The following COL6A2 variants were observed in gnomAD, a reference collection of about 807,000 sequenced individuals.
COL6A2 encodes collagen alpha-2(VI) chain.
COL6A2 carries 90 observed loss-of-function variants against 124.9 expected under a neutral mutation model. That is an observed-to-expected ratio of 0.72 (90% CI 0.61 to 0.86). The LOEUF (loss-of-function observed/expected upper bound fraction) is 0.86, where lower values mean the gene tolerates loss of function less well. Ranked by LOEUF, COL6A2 falls within the 40% of genes least tolerant of loss-of-function variation. COL6A2 has a pLI of 0.00. For missense variants in COL6A2, 1,607 were observed against 1,502.5 expected (o/e 1.07, Z -1.15); for synonymous variants, 793 against 618.2 (o/e 1.28, Z -4.19).
rs745599252 is a variant in COL6A2 at position 46,125,375 on chromosome 21, G to C, written c.1816+64G>C. On this transcript the variant is annotated intron_variant, in intron 24 of 27. Coordinates refer to ENST00000300527, the MANE Select transcript of COL6A2 (RefSeq NM_001849.4). ...CGGGTGGAGGGCGGGAGTGCAGCAG[G>C]GCTGGGTCATCGCTGGGTCCTGCAT... 3 of 1,605,594 alleles carry C rather than the reference G, an allele frequency of 1.9e-6. No homozygotes were observed. In the South Asian group the frequency reaches 3.3e-5, roughly 18 times the overall value.
intron 27 of COL6A2, among the ~76,000 whole-genome samples, chr21:46,127,381 GCACATT>G (rs1568942229): frequency 6.6e-6 from 1 of 152,128 alleles, no homozygotes; most frequent in Non-Finnish European, 1.5e-5. Context: ...GGGCCACTGA[GCACATT>G]CACAGGCCCT....
At position 46,128,950 on chromosome 21, in the gene COL6A2, G is replaced by A. The variant is rs142392099; in HGVS notation, c.2461+2409G>A. On this transcript the variant is annotated intron_variant, in intron 27 of 27. Coordinates refer to ENST00000300527, the MANE Select transcript of COL6A2 (RefSeq NM_001849.4). ...CTGAAAGGTTTTCTCGGGGTCCGTG[G>A]TGTCCCCCAAAGGTGCCACCGTGCG... 26 of 1,611,168 alleles carry A rather than the reference G, an allele frequency of 1.6e-5. No homozygotes were observed. The East Asian group carries it at 5.6e-4, about 35-fold the overall frequency.
chr21:46,124,846 C>T (rs1419170254), intron 22 of COL6A2, 39 bp from the exon 23 acceptor site: 3 of 1,612,462 alleles, frequency 1.9e-6, no homozygotes, highest in Non-Finnish European at 1.7e-6. Context: ...GCCACCCAGC[C>T]TTGGCCCCAG....
intron 20 of COL6A2, 76 bp downstream of exon 20, chr21:46,122,607 C>T (rs954821742): frequency 1.5e-5 from 23 of 1,509,368 alleles, no homozygotes; most frequent in Non-Finnish European, 1.9e-5. Context: ...ACACAATGCC[C>T]ACCGTCACTG....
chr21:46,121,477 G>A, intron 17 of COL6A2, 79 bp from the exon 18 acceptor site: 2 of 1,396,854 alleles, frequency 1.4e-6, no homozygotes, highest in Non-Finnish European at 2.0e-6. Flanking sequence ...GGTCAGGGCT[G>A]GACGGGGCAT....
intron 1 of COL6A2, among the ~76,000 whole-genome samples, chr21:46,108,690 AGT>A (rs1231110537): frequency 6.6e-6 from 1 of 152,132 alleles, no homozygotes; most frequent in African/African-American, 2.4e-5. Flanking sequence ...TGTATTCCCT[AGT>A]GTTTGTGGCA....
chr21:46,131,932 C>T (rs2078765425), intron 27 of COL6A2, 22 bp from the exon 28 acceptor site: 1 of 1,572,428 alleles, frequency 6.4e-7, no homozygotes, highest in Non-Finnish European at 8.6e-7. Flanking sequence ...TCCGCCCAGC[C>T]CGCACCTGCG....
At chr21:46,117,521 G>C in intron 11 of COL6A2, 68 bp downstream of exon 11, 1 of 1,503,804 alleles carries the variant, frequency 6.6e-7, no homozygotes, top group East Asian at 2.3e-5. Context: ...CGGGTGGGAG[G>C]GTAGTTGCTG....
intron 27 of COL6A2, chr21:46,129,110 G>A: frequency 6.2e-7 from 1 of 1,605,758 alleles, no homozygotes; most frequent in Non-Finnish European, 8.5e-7. Flanking sequence ...TCTTCACTCT[G>A]GCCTCGCTGA....
intron 14 of COL6A2, 122 bp from the exon 15 acceptor site, chr21:46,119,666 A>C (rs2078529441): frequency 2.4e-6 from 2 of 849,398 alleles, no homozygotes; most frequent in Non-Finnish European, 1.9e-6. Flanking sequence ...TCGAGGTCCC[A>C]GGTCCCAAAG....
At chr21:46,128,867 G>T in intron 27 of COL6A2, 1 of 1,570,890 alleles carries the variant, frequency 6.4e-7, no homozygotes, top group Non-Finnish European at 8.8e-7. Context: ...TGCGGCACTG[G>T]AAGCCCTACT....
intron 21 of COL6A2, 114 bp from the exon 22 acceptor site, chr21:46,124,537 G>GCCC (rs36033678): frequency 8.3e-6 from 7 of 838,514 alleles, no homozygotes; most frequent in Middle Eastern, 3.4e-4. Flanking sequence ...GCACCTGTTA[G>GCCC]CCCCCCCCCC....
intron 27 of COL6A2, among the ~76,000 whole-genome samples, chr21:46,128,591 T>G (rs2078710326): frequency 6.6e-6 from 1 of 152,020 alleles, no homozygotes; most frequent in South Asian, 2.1e-4. Flanking sequence ...GACCAGAGGG[T>G]GCTGGAGAAA....
intron 1 of COL6A2, among the ~76,000 whole-genome samples, chr21:46,099,889 C>CTTTTTTTTTTTTTTTTTTT (rs869028897): frequency 2.2e-5 from 2 of 91,840 alleles, no homozygotes; most frequent in African/African-American, 3.8e-5. Context: ...GCAGCACTGT[C>CTTTTTTTTTTTTTTTTTTT]TTTTTTTTTT....
Position 46,117,903 on chromosome 21 carries a change from G to C in COL6A2, c.1083G>C (p.Gly361=). The C allele has an allele frequency of 6.2e-7, 1 of 1,612,938 alleles. No individual in the cohort carries two copies. The highest frequency in any genetic ancestry group is 8.5e-7 in the Non-Finnish European group (1 of 1,179,854). The change falls in exon 12 of 28, where the codon GGG becomes GGC. Residue 361 remains glycine (G), a synonymous_variant. Transcript: ENST00000300527. ...CCGACGGTTACCCGGGGGAAGCAGG[G>C]AGTCCAGGGGAGCGAGGAGACCAAG... ...RGPDGYPGEA[G]SPGERGDQGG... is the part of the protein sequence containing the mutation.
intron 1 of COL6A2, among the ~76,000 whole-genome samples, chr21:46,102,154 A>G (rs941906376): frequency 2.0e-5 from 3 of 152,148 alleles, no homozygotes; most frequent in Non-Finnish European, 2.9e-5. Flanking sequence ...TATTTTTGAT[A>G]CTATAGTAAA....
chr21:46,116,437 C>T lies in COL6A2; in HGVS notation c.927+34C>T, dbSNP rs535642368. The stretch of plus-strand genomic sequence containing the variant: ...CTTGCCCTGACAGACCTCAGACCTG[C>T]GCCAGCCTCGGCCCAGACCCACCTC... On this transcript the variant is annotated intron_variant, in intron 8 of 27. Coordinates refer to ENST00000300527, the MANE Select transcript of COL6A2 (RefSeq NM_001849.4). The surrounding 1 kb of genome is among the most constrained non-coding windows in gnomAD (Gnocchi z 4.6). 3.6e-5 allele frequency: 58 copies of T among 1,611,894 alleles called. 1 individual carries two copies. In the Middle Eastern group the frequency reaches 6.6e-4, roughly 18 times the overall value.
chr21:46,118,976 C>T (rs1255308776), intron 13 of COL6A2, 54 bp from the exon 14 acceptor site: 3 of 1,371,396 alleles, frequency 2.2e-6, no homozygotes, highest in Non-Finnish European at 3.1e-6. Context: ...ACAGGCGTGA[C>T]CATGCCTCAG....
At chr21:46,129,324 C>G in intron 27 of COL6A2, 1 of 1,612,940 alleles carries the variant, frequency 6.2e-7, no homozygotes, top group Non-Finnish European at 8.5e-7. Context: ...CACGCAGGAC[C>G]CGGCCGCCTA....
Sources: gnomAD v4.1 joint callset for allele counts (sites outside exome capture counted in the v4.1 genomes callset) on GRCh38, gnomAD v4.1.1 for gene constraint, Gnocchi (gnomAD v3.1) non-coding constraint, MANE v1.5 for transcripts, NCBI Gene and HGNC (gene_info 2026-07-23, HGNC 2026-07-21) for gene names.